PDZD2: variants seen among roughly 807,000 people sequenced by gnomAD.
PDZD2 encodes the protein PDZ domain containing 2.
Under a neutral mutation model 220.7 loss-of-function variants are expected in PDZD2, and 90 were observed. The observed-to-expected ratio is 0.41, with a 90% CI of 0.34 to 0.49. The LOEUF is 0.49. Ranked by LOEUF, PDZD2 falls within the 20% of genes least tolerant of loss-of-function variation. The pLI, the probability that PDZD2 is intolerant of heterozygous loss-of-function variation, is 0.28. For synonymous variants in PDZD2, 1,375 were observed against 1,450.5 expected (o/e 0.95, Z 1.18); for missense variants, 3,174 against 3,608.5 (o/e 0.88, Z 3.08).
intron 2 of PDZD2, among the ~76,000 whole-genome samples, chr5:31,802,282 CT>C (rs1754436021): frequency 6.6e-6 from 1 of 152,116 alleles, no homozygotes; most frequent in Non-Finnish European, 1.5e-5. Context: ...CTGTGAGACA[CT>C]TTTTTATCTA....
intron 2 of PDZD2, among the ~76,000 whole-genome samples, chr5:31,896,618 C>T (rs573831250): frequency 1.3e-5 from 2 of 152,206 alleles, no homozygotes; most frequent in Admixed American, 1.3e-4. Flanking sequence ...GTTTCTGAGT[C>T]TTTAGAGATA....
intron 20 of PDZD2, among the ~76,000 whole-genome samples, chr5:32,092,458 A>T (rs1245079006): frequency 2.1e-5 from 3 of 141,522 alleles, no homozygotes; most frequent in African/African-American, 8.0e-5. Context: ...TGTGATCCCA[A>T]CTACTCGGGA....
chr5:31,805,752 A>C (rs10073781), intron 2 of PDZD2, among the ~76,000 whole-genome samples: 88,761 of 151,664 alleles, frequency 0.59, 26,798 homozygotes, highest in African/African-American at 0.73. Context: ...ATTTAGAAAT[A>C]GGATCATTGC....
At chr5:32,107,943 T>TAATTA in intron 24 of PDZD2, 26 bp from the exon 25 acceptor site, 2 of 1,562,396 alleles carry the variant, frequency 1.3e-6, no homozygotes, top group Non-Finnish European at 1.7e-6. Context: ...GCCAAGCTAT[T>TAATTA]AATTATTCTG....
intron 2 of PDZD2, among the ~76,000 whole-genome samples, chr5:31,849,396 TAATCTA>T (rs1312350929): frequency 6.6e-6 from 1 of 152,164 alleles, no homozygotes; most frequent in African/African-American, 2.4e-5. Flanking sequence ...AAAAATGAGA[TAATCTA>T]AATAAAGTAC....
At chr5:31,897,028 T>C (rs953555909) in intron 2 of PDZD2, among the ~76,000 whole-genome samples, 1 of 151,960 alleles carries the variant, frequency 6.6e-6, no homozygotes, top group African/African-American at 2.4e-5. Flanking sequence ...TTTATTTTCT[T>C]AAATGTTACT....
intron 1 of PDZD2, among the ~76,000 whole-genome samples, chr5:31,785,414 G>A (rs1414198232): frequency 2.0e-5 from 3 of 147,040 alleles, no homozygotes; most frequent in Non-Finnish European, 1.5e-5. Context: ...CCATATATAT[G>A]TCATATATAT....
At chr5:31,945,923 T>C (rs1175804433) in intron 2 of PDZD2, among the ~76,000 whole-genome samples, 2 of 152,230 alleles carry the variant, frequency 1.3e-5, no homozygotes, top group Admixed American at 1.3e-4. Flanking sequence ...AGAGTGTTCA[T>C]CTTAGCCTTG....
chr5:31,839,044 T>C (rs1309922276), intron 2 of PDZD2, among the ~76,000 whole-genome samples: 1 of 152,194 alleles, frequency 6.6e-6, no homozygotes, highest in Non-Finnish European at 1.5e-5. Flanking sequence ...AGAAAGAGAT[T>C]TGGGTGCCTG....
intron 6 of PDZD2, among the ~76,000 whole-genome samples, chr5:32,025,350 A>G (rs1397258252): frequency 2.0e-5 from 3 of 151,888 alleles, no homozygotes; most frequent in African/African-American, 7.2e-5. Flanking sequence ...ACATGGAGAA[A>G]CCCTGTCTCT....
intron 10 of PDZD2, among the ~76,000 whole-genome samples, chr5:32,057,421 T>C (rs161546): frequency 0.38 from 57,082 of 152,072 alleles, 11,012 homozygotes; most frequent in East Asian, 0.43. Flanking sequence ...ATTTTCATGC[T>C]TCCCATAGTT....
chr5:31,858,426 A>T (rs989072853), intron 2 of PDZD2, among the ~76,000 whole-genome samples: 1 of 152,218 alleles, frequency 6.6e-6, no homozygotes, highest in African/African-American at 2.4e-5. Context: ...ATCTGACTCC[A>T]TCTTGCTTCT....
intron 1 of PDZD2, among the ~76,000 whole-genome samples, chr5:31,782,108 T>C (rs990933308): frequency 3.3e-5 from 5 of 152,164 alleles, no homozygotes; most frequent in Admixed American, 2.6e-4. Context: ...GGGTGCCGGC[T>C]GGGATTCCAT....
chr5:31,895,968 C>T (rs1172550841), intron 2 of PDZD2, among the ~76,000 whole-genome samples: 1 of 152,120 alleles, frequency 6.6e-6, no homozygotes, highest in Non-Finnish European at 1.5e-5. Flanking sequence ...ACTGTAACCC[C>T]CCCAGCCACA....
At chr5:32,022,197 T>G (rs1301978280) in intron 6 of PDZD2, among the ~76,000 whole-genome samples, 1 of 145,486 alleles carries the variant, frequency 6.9e-6, no homozygotes. Context: ...TTTTTTGTTT[T>G]TTGTTTTTTT....
chr5:32,092,739 C>G (rs954994204), intron 20 of PDZD2, among the ~76,000 whole-genome samples, 168 bp from the exon 21 acceptor site: 1 of 152,118 alleles, frequency 6.6e-6, no homozygotes, highest in African/African-American at 2.4e-5. Flanking sequence ...GTTCAGCACT[C>G]AGGATTTATT....
Position 32,063,071 on chromosome 5 carries a change from G to C in PDZD2, c.2451+1937G>C, listed in dbSNP as rs897634042. On this transcript the variant is annotated intron_variant, in intron 14 of 24. Coordinates refer to ENST00000438447, the MANE Select transcript of PDZD2 (RefSeq NM_178140.4). Reference sequence around the variant, plus strand: ...TATTATTATTATTATTTGAGACGGAGTCTAGCTCTATAGCCCGGGCTGGGG... The same window carrying C: ...TATTATTATTATTATTTGAGACGGACTCTAGCTCTATAGCCCGGGCTGGGG... Among the ~76,000 whole-genome samples the C allele has an allele frequency of 1.2e-4, 13 of 110,618 alleles. No homozygotes were observed. The East Asian group carries it at 4.1e-3, about 35-fold the overall frequency. The allele number at this position is 110,618 out of a possible 152,430, so 72.6% of individuals were successfully genotyped here. A position where few individuals can be genotyped will look rare whatever the true frequency, so the allele number is the denominator to read the frequency against.
intron 1 of PDZD2, among the ~76,000 whole-genome samples, chr5:31,769,270 G>C (rs936134301): frequency 1.3e-5 from 2 of 152,202 alleles, no homozygotes; most frequent in Non-Finnish European, 2.9e-5. Flanking sequence ...GGATCCCAAG[G>C]TTGCAAGTCT....
chr5:31,873,580 T>TATTTAATA (rs34550067), intron 2 of PDZD2, among the ~76,000 whole-genome samples: 4 of 150,318 alleles, frequency 2.7e-5, no homozygotes, highest in Non-Finnish European at 5.9e-5. Context: ...TTTATTTATT[T>TATTTAATA]AATAAAGCCA....
Sources: allele counts gnomAD v4.1 joint callset (sites outside exome capture counted in the v4.1 genomes callset), GRCh38; gene constraint gnomAD v4.1.1; transcripts MANE v1.5; gene names NCBI Gene and HGNC (gene_info 2026-07-23, HGNC 2026-07-21).